TTBK1: variants seen among roughly 807,000 people sequenced by gnomAD.
The protein encoded by TTBK1 is tau-tubulin kinase 1.
A neutral mutation model predicts 108.5 loss-of-function variants in TTBK1; 34 were observed. That is an observed-to-expected ratio of 0.31 (90% CI 0.24 to 0.42). The LOEUF is 0.42. TTBK1 is among the 10% of genes least tolerant of loss of function. TTBK1 has a pLI of 1.00. For missense variants in TTBK1, 1,539 were observed against 1,826.0 expected, an observed-to-expected ratio of 0.84 and a Z score of 2.86; for synonymous variants, 809 against 795.1, an observed-to-expected ratio of 1.02 and a Z score of -0.29.
intron 2 of TTBK1, 22 bp from the exon 3 acceptor site, chr6:43,252,717 C>T (rs1562083060): frequency 1.2e-6 from 2 of 1,613,604 alleles, no homozygotes; most frequent in Non-Finnish European, 1.7e-6. Context: ...CCTGAGCACC[C>T]CCTATCCCCT....
rs778502418 is a variant in TTBK1, at chr6:43,284,336, G to A, written c.3572+24G>A. The A allele has an allele frequency of 6.6e-6, 10 of 1,507,146 alleles. No individual in the cohort carries two copies. In the African/African-American group the frequency reaches 1.6e-4, roughly 24 times the overall value. 93.4% of individuals were successfully genotyped at this position (1,507,146 alleles called of 1,614,324 possible). On this transcript the variant is annotated intron_variant, in intron 14 of 14. Transcript: ENST00000259750. ...AGGTGAGAAACCGCTGCCAGCCCCA[G>A]GGTGGGCAGAGGGTGGCCACAGGCC...
Position 43,262,931 on chromosome 6 carries a change from C to T in TTBK1, c.1567C>T (p.Leu523=). 3 of 1,614,030 alleles carry T rather than the reference C, an allele frequency of 1.9e-6. No individual in the cohort carries two copies. The highest frequency in any genetic ancestry group is 2.5e-6 in the Non-Finnish European group (3 of 1,179,938). The change falls in exon 13 of 15, where the codon CTG becomes TTG. Residue 523 remains leucine, a synonymous_variant. Coordinates refer to ENST00000259750, the MANE Select transcript of TTBK1 (RefSeq NM_032538.3). ...GTCAGCCTCTGTGGAGCAGGAGGCC[C>T]TGAGCAACGCCTTCCGCTCGGTGCC... ...DVSASVEQEA[L]SNAFRSVPLA...
intron 13 of TTBK1, among the ~76,000 whole-genome samples, chr6:43,264,382 CAAAAT>C (rs576955654): frequency 5.3e-4 from 80 of 151,940 alleles, no homozygotes; most frequent in Admixed American, 4.4e-3. Context: ...GACTCTGACT[CAAAAT>C]AAAATAAAAT....
chr6:43,253,343 C>T lies in TTBK1; in HGVS notation c.309C>T (p.Asn103=), dbSNP rs758069173. 1 of 1,614,124 alleles carries T rather than the reference C, an allele frequency of 6.2e-7. No individual in the cohort carries two copies. The highest frequency in any genetic ancestry group is 1.1e-5 in the South Asian group (1 of 91,074). Residue 103 remains asparagine (N), a synonymous_variant, in exon 4 of 15, where the codon AAC becomes AAT. Coordinates refer to ENST00000259750, the MANE Select transcript of TTBK1 (RefSeq NM_032538.3). The surrounding 1 kb of genome is among the most constrained non-coding windows in gnomAD (Gnocchi z 5.8). ...GCTGTGGCAGGAACGAGAAGTTTAA[C>T]TATGTAGTGATGCAGCTCCAGGTGA... is the stretch of plus-strand genomic sequence containing the variant. ...FIGCGRNEKF[N]YVVMQLQGRN...
chr6:43,262,523 A>G (rs1252488043), intron 12 of TTBK1, among the ~76,000 whole-genome samples: 2 of 152,148 alleles, frequency 1.3e-5, no homozygotes, highest in Non-Finnish European at 2.9e-5. Flanking sequence ...GCTTGTTTGT[A>G]TTCCTGGAGC....
In TTBK1 at chr6:43,285,150, C is replaced by A; in HGVS notation, c.3740C>A (p.Ala1247Glu). The A allele has an allele frequency of 7.0e-7, 1 of 1,429,282 alleles. No homozygotes were observed. The allele number at this position is 1,429,282 out of a possible 1,614,324, so 88.5% of individuals were successfully genotyped here. ...ACATCCGCCGCGCGCAATGCCAGCG[C>A]GTCCCCCCGGAGCCAGTCCCTGTCC... ...ASTSAARNASASPRSQSLSRR... is the reference protein window; with the variant it reads ...ASTSAARNASESPRSQSLSRR... The change falls in exon 15 of 15, where the codon GCG (alanine) becomes GAG (glutamate). Residue 1247 changes from alanine (A) to glutamate (E), a missense_variant. Transcript: ENST00000259750. This position sits in a 1 kb window ranked among gnomAD's most constrained non-coding sequence, Gnocchi z 4.7.
chr6:43,285,277 CG>C lies in TTBK1; in HGVS notation c.3872del (p.Gly1291AlafsTer92), dbSNP rs1285143041. 2.3e-6 allele frequency: 3 copies of C among 1,292,410 alleles called. No individual in the cohort carries two copies. The highest frequency in any genetic ancestry group is 2.6e-5 in the South Asian group (1 of 38,452). The allele number at this position is 1,292,410 out of a possible 1,614,324, so 80.1% of individuals were successfully genotyped here. ...RAQPDGTPSP[G>X]GSKKGPRGKL... ...CCCAGCCTGATGGCACCCCCTCCCC[CG>C]GGGGCTCCAAGAAAGGACCCAGAGG... On this transcript the variant is annotated frameshift_variant, in exon 15 of 15. Coordinates refer to ENST00000259750, the MANE Select transcript of TTBK1 (RefSeq NM_032538.3). LOFTEE classifies it high-confidence loss of function. The surrounding 1 kb of genome is among the most constrained non-coding windows in gnomAD (Gnocchi z 4.7).
At chr6:43,245,853 C>T (rs991404691) in intron 1 of TTBK1, among the ~76,000 whole-genome samples, 3 of 152,178 alleles carry the variant, frequency 2.0e-5, no homozygotes, top group African/African-American at 7.2e-5. Flanking sequence ...TTCCATTTTC[C>T]TGTCCTCCCC....
chr6:43,247,939 CT>C (rs1236096767), intron 2 of TTBK1: 1 of 150,362 alleles, frequency 6.7e-6, no homozygotes, highest in Non-Finnish European at 1.5e-5. Context: ...CAGAGGGGGA[CT>C]TCCTGAGAGG....
chr6:43,258,062 A>G, intron 10 of TTBK1, 96 bp downstream of exon 10: 1 of 1,388,762 alleles, frequency 7.2e-7, no homozygotes, highest in Non-Finnish European at 9.6e-7. Flanking sequence ...ATCTGGACAC[A>G]CTTGGCTATC....
chr6:43,281,232 C>T (rs145222951), intron 13 of TTBK1, among the ~76,000 whole-genome samples: 95 of 152,100 alleles, frequency 6.2e-4, no homozygotes, highest in African/African-American at 2.0e-3. Flanking sequence ...AAAAATTAGC[C>T]GGGCGTGGTG....
Position 43,259,578 on chromosome 6 carries a change from C to A in TTBK1, c.1296C>A (p.Ser432Arg), listed in dbSNP as rs1303774027. 2 of 1,607,472 alleles carry A rather than the reference C, an allele frequency of 1.2e-6. No homozygotes were observed. The highest frequency in any genetic ancestry group is 1.7e-4 in the Middle Eastern group (1 of 6,008). ...EEQSRGMGVP[S>R]SPVRAPPDSP... ...AGAGCCGAGGCATGGGGGTCCCCAG[C>A]TCCCCAGTGCGTGCCCCCCCAGACT... is the stretch of plus-strand genomic sequence containing the variant. Residue 432 changes from serine (S) to arginine (R), a missense_variant, in exon 12 of 15, where the codon AGC (serine) becomes AGA (arginine). Transcript: ENST00000259750. This position sits in a 1 kb window ranked among gnomAD's most constrained non-coding sequence, Gnocchi z 6.7.
In TTBK1 at chr6:43,269,936, C is replaced by T. The variant is rs1196766763; in HGVS notation, c.1986+6586C>T. 2 of 1,472,660 alleles carry T rather than the reference C, an allele frequency of 1.4e-6. No homozygotes were observed. Among genetic ancestry groups the T allele is most frequent in the East Asian group, 5.0e-5 (2 of 39,698 alleles). 91.2% of individuals were successfully genotyped at this position (1,472,660 alleles called of 1,614,324 possible). A position where few individuals can be genotyped will look rare whatever the true frequency, so the allele number is the denominator to read the frequency against. ...AGCTGCAGCAGGTGTGGGCCCGGTT[C>T]ACCCACAAGACCTAGGCTGGGCCCC... On this transcript the variant is annotated intron_variant, in intron 13 of 14. Coordinates refer to ENST00000259750, the MANE Select transcript of TTBK1 (RefSeq NM_032538.3). The surrounding 1 kb of genome is among the most constrained non-coding windows in gnomAD (Gnocchi z 4.8).
chr6:43,260,847 G>A (rs938602511), intron 12 of TTBK1, among the ~76,000 whole-genome samples: 6 of 152,078 alleles, frequency 3.9e-5, no homozygotes, highest in Non-Finnish European at 8.8e-5. Flanking sequence ...TCGGGAGCAG[G>A]AGACAGTACA....
At chr6:43,281,547 C>A (rs957355916) in intron 13 of TTBK1, among the ~76,000 whole-genome samples, 2 of 152,058 alleles carry the variant, frequency 1.3e-5, no homozygotes, top group Non-Finnish European at 2.9e-5. Flanking sequence ...GGCTGGGGAA[C>A]CACCAGGAAA....
At chr6:43,277,727 CG>C (rs1434521554) in intron 13 of TTBK1, among the ~76,000 whole-genome samples, 8 of 152,138 alleles carry the variant, frequency 5.3e-5, no homozygotes, top group African/African-American at 1.7e-4. Flanking sequence ...TTGGCAGAGA[CG>C]TTTGGAGAGT....
chr6:43,283,973 G>C lies in TTBK1; in HGVS notation c.3233G>C (p.Arg1078Pro), dbSNP rs147230216. 3 of 1,610,990 alleles carry C rather than the reference G, an allele frequency of 1.9e-6. No homozygotes were observed. In the African/African-American group the frequency reaches 4.0e-5, roughly 22 times the overall value. Reference protein sequence around the residue: ...EPSGSLSAKERWSKRARPQQD... With the variant: ...EPSGSLSAKEPWSKRARPQQD... ...TCAGGCTCACTGTCGGCCAAAGAGC[G>C]GTGGAGCAAGCGGGCTCGGCCGCAG... Residue 1078 changes from arginine to proline, a missense_variant, in exon 14 of 15, where the codon CGG becomes CCG. By Grantham distance (103) the Arg-to-Pro change is moderately radical. Transcript: ENST00000259750. The surrounding 1 kb of genome is among the most constrained non-coding windows in gnomAD (Gnocchi z 8.1).
intron 7 of TTBK1, 47 bp from the exon 8 acceptor site, chr6:43,255,505 A>C: frequency 1.3e-6 from 2 of 1,525,456 alleles, no homozygotes; most frequent in Non-Finnish European, 1.8e-6. Context: ...GCCCATTCCC[A>C]GGGAAGGACC....
intron 2 of TTBK1, among the ~76,000 whole-genome samples, chr6:43,247,183 TG>T (rs550812494): frequency 7.1e-4 from 108 of 152,152 alleles, no homozygotes; most frequent in African/African-American, 2.5e-3. Context: ...GGCTTGGGTT[TG>T]GGGAAAGAGG....
Sources: allele counts gnomAD v4.1 joint callset (sites outside exome capture counted in the v4.1 genomes callset), GRCh38; gene constraint gnomAD v4.1.1; non-coding constraint Gnocchi (gnomAD v3.1); transcripts MANE v1.5; gene names NCBI Gene and HGNC (gene_info 2026-07-23, HGNC 2026-07-21).